Variants in BABAM2 observed in about 807,000 individuals in gnomAD.
The protein encoded by BABAM2 is BRISC and BRCA1-A complex member 2.
In BABAM2, 31 loss-of-function variants were observed where a neutral mutation model predicts 54.7. The ratio of observed to expected loss-of-function variants is 0.57; its 90% CI spans 0.43 to 0.77. The LOEUF is 0.77. BABAM2 is among the 30% of genes least tolerant of loss of function. BABAM2 has a pLI of 0.00. For missense variants in BABAM2, 364 were observed against 455.8 expected (o/e 0.80, Z 1.83); for synonymous variants, 167 against 162.9 (o/e 1.03, Z -0.19).
At chr2:27,962,136 C>T (rs1411602987) in intron 3 of BABAM2, among the ~76,000 whole-genome samples, 1 of 151,108 alleles carries the variant, frequency 6.6e-6, no homozygotes, top group East Asian at 2.0e-4. Context: ...GAAATGAGAT[C>T]TCACTCTGTG....
intron 6 of BABAM2, among the ~76,000 whole-genome samples, chr2:28,120,228 C>A (rs185482844): frequency 2.0e-5 from 3 of 152,100 alleles, no homozygotes; most frequent in East Asian, 3.9e-4. Flanking sequence ...GTGTGCCTGG[C>A]GCAGACAATA....
intron 3 of BABAM2, among the ~76,000 whole-genome samples, chr2:27,941,463 GGAGAATCACTTGAAC>G (rs1668876758): frequency 6.6e-6 from 1 of 151,954 alleles, no homozygotes; most frequent in African/African-American, 2.4e-5. Context: ...GGCTCAGTCA[GGAGAATCACTTGAAC>G]CTGGGAGGCG....
intron 7 of BABAM2, among the ~76,000 whole-genome samples, chr2:28,145,899 T>C (rs1671451577): frequency 6.6e-6 from 1 of 152,242 alleles, no homozygotes; most frequent in Non-Finnish European, 1.5e-5. Flanking sequence ...TGTTTTAGCA[T>C]GTATCAATAC....
At chr2:28,175,281 C>T (rs910542465) in intron 7 of BABAM2, among the ~76,000 whole-genome samples, 8 of 152,196 alleles carry the variant, frequency 5.3e-5, no homozygotes, top group African/African-American at 1.7e-4. Flanking sequence ...ACCCTGAAGA[C>T]AGGCTTTGCC....
chr2:28,063,128 A>C (rs1679035170), intron 6 of BABAM2, among the ~76,000 whole-genome samples: 1 of 152,188 alleles, frequency 6.6e-6, no homozygotes, highest in Non-Finnish European at 1.5e-5. Context: ...AAGCTTGCCC[A>C]GTCAGAGTCC....
chr2:28,037,877 T>C (rs1018891506), intron 5 of BABAM2, among the ~76,000 whole-genome samples: 2 of 152,164 alleles, frequency 1.3e-5, no homozygotes, highest in South Asian at 4.1e-4. Flanking sequence ...TGGATGGACA[T>C]TGATACTTGG....
chr2:28,090,872 C>A (rs1666101801), intron 6 of BABAM2, among the ~76,000 whole-genome samples: 1 of 152,062 alleles, frequency 6.6e-6, no homozygotes, highest in Non-Finnish European at 1.5e-5. Flanking sequence ...ACTTTCTGAA[C>A]CTGTTTTCTC....
intron 4 of BABAM2, among the ~76,000 whole-genome samples, chr2:28,024,718 G>A (rs1470320085): frequency 1.3e-5 from 2 of 152,076 alleles, no homozygotes; most frequent in Non-Finnish European, 2.9e-5. Context: ...TCTTTTTCAG[G>A]CCTAACCGTC....
chr2:27,964,124 G>A (rs1271739730), intron 3 of BABAM2, among the ~76,000 whole-genome samples: 1 of 152,138 alleles, frequency 6.6e-6, no homozygotes, highest in East Asian at 1.9e-4. Context: ...TCATGAGAAT[G>A]GATTAGTTCC....
intron 6 of BABAM2, among the ~76,000 whole-genome samples, chr2:28,105,548 G>T (rs1667448140): frequency 6.6e-6 from 1 of 152,188 alleles, no homozygotes; most frequent in Admixed American, 6.5e-5. Flanking sequence ...ACTAGAGGAA[G>T]ATCCTGAACA....
At chr2:27,900,060 A>G (rs975675433) in intron 2 of BABAM2, among the ~76,000 whole-genome samples, 2 of 152,194 alleles carry the variant, frequency 1.3e-5, no homozygotes, top group African/African-American at 4.8e-5. Context: ...CAAAACAATG[A>G]CAGAGTTAGG....
chr2:28,245,297 G>T (rs576800758), intron 10 of BABAM2, among the ~76,000 whole-genome samples: 1 of 151,980 alleles, frequency 6.6e-6, no homozygotes, highest in South Asian at 2.1e-4. Flanking sequence ...CCAGTATCAG[G>T]CCTCAAGACT....
intron 2 of BABAM2, among the ~76,000 whole-genome samples, chr2:27,904,527 G>A (rs2148287363): frequency 6.6e-6 from 1 of 152,198 alleles, no homozygotes; most frequent in South Asian, 2.1e-4. Context: ...CATGTATAAA[G>A]GGCTTCAAAT....
At chr2:28,063,370 A>C (rs1282351315) in intron 6 of BABAM2, among the ~76,000 whole-genome samples, 5 of 152,254 alleles carry the variant, frequency 3.3e-5, no homozygotes, top group Non-Finnish European at 7.3e-5. Flanking sequence ...ATAATGTTTT[A>C]ATAATGTTTT....
rs535452620 is a variant in BABAM2, at chr2:28,256,542, T to C, written c.934+11680T>C. Among the ~76,000 whole-genome samples, 41 of 152,286 alleles carry C rather than the reference T, an allele frequency of 2.7e-4. No individual in the cohort carries two copies. In the South Asian group the frequency reaches 7.5e-3, roughly 28 times the overall value. On this transcript the variant is annotated intron_variant, in intron 10 of 11. Coordinates refer to ENST00000379624, the MANE Select transcript of BABAM2 (RefSeq NM_199191.3). ...TGAGGAGAGATGCATGGACCTCAGA[T>C]TGAGAATCTCTGAAAACTCTTATCA...
chr2:28,231,199 A>T (rs1211281492), intron 7 of BABAM2, among the ~76,000 whole-genome samples: 1 of 152,168 alleles, frequency 6.6e-6, no homozygotes, highest in East Asian at 1.9e-4. Context: ...CAAAATGCCC[A>T]GTAGAGTGTC....
At chr2:28,077,151 A>C (rs903587800) in intron 6 of BABAM2, among the ~76,000 whole-genome samples, 1 of 152,216 alleles carries the variant, frequency 6.6e-6, no homozygotes, top group Non-Finnish European at 1.5e-5. Context: ...TATTAAATGT[A>C]ATTAATAATT....
At chr2:28,239,411 C>T (rs1392961256) in intron 8 of BABAM2, among the ~76,000 whole-genome samples, 1 of 152,158 alleles carries the variant, frequency 6.6e-6, no homozygotes, top group Non-Finnish European at 1.5e-5. Flanking sequence ...TTCTTCCAGC[C>T]ATCATGAGAA....
chr2:27,928,496 T>C (rs540456305), intron 2 of BABAM2, among the ~76,000 whole-genome samples: 74 of 152,230 alleles, frequency 4.9e-4, no homozygotes, highest in African/African-American at 1.7e-3. Context: ...GGAAAAGTAA[T>C]AGTAAATCTT....
Sources: gnomAD v4.1 joint callset for allele counts (sites outside exome capture counted in the v4.1 genomes callset) on GRCh38, gnomAD v4.1.1 for gene constraint, MANE v1.5 for transcripts, NCBI Gene and HGNC (gene_info 2026-07-23, HGNC 2026-07-21) for gene names.